The following CCSER1 variants were observed in gnomAD, a reference collection of about 807,000 sequenced individuals.
CCSER1 encodes the protein serine-rich coiled-coil domain-containing protein 1.
CCSER1 carries 41 observed loss-of-function variants against 82.0 expected under a neutral mutation model. The observed-to-expected ratio is 0.50, with a 90% confidence interval of 0.39 to 0.65. The LOEUF is 0.65. Among genes scored for constraint, CCSER1 ranks in the 30% least tolerant of loss-of-function variants. The probability of loss-of-function intolerance (pLI) is 0.00; values close to 1 mark genes in which losing one functional copy is unlikely to be tolerated. For missense variants in CCSER1, 1,119 were observed against 1,064.2 expected (o/e 1.05, Z -0.72); for synonymous variants, 414 against 383.9 (o/e 1.08, Z -0.92).
At chr4:90,669,742 A>T (rs903868360) in intron 6 of CCSER1, among the ~76,000 whole-genome samples, 1 of 152,090 alleles carries the variant, frequency 6.6e-6, no homozygotes, top group Admixed American at 6.6e-5. Flanking sequence ...GAAGAAAAAA[A>T]TGTGAAGGAG....
At chr4:90,621,866 C>G (rs1043758262) in intron 5 of CCSER1, among the ~76,000 whole-genome samples, 18 of 152,174 alleles carry the variant, frequency 1.2e-4, no homozygotes, top group African/African-American at 4.3e-4. Flanking sequence ...CAGATCTTCT[C>G]CTTTATCTGC....
chr4:90,737,509 T>C (rs138955100), intron 7 of CCSER1, among the ~76,000 whole-genome samples: 1 of 152,304 alleles, frequency 6.6e-6, no homozygotes, highest in African/African-American at 2.4e-5. Flanking sequence ...CATTGTATGT[T>C]GTTCCTTTCT....
chr4:90,395,215 C>T (rs979518503), intron 3 of CCSER1, among the ~76,000 whole-genome samples: 1 of 152,134 alleles, frequency 6.6e-6, no homozygotes, highest in Non-Finnish European at 1.5e-5. Context: ...AGTGTAATGT[C>T]CTCCATGTTC....
At chr4:90,409,338 C>T (rs373500691) in intron 4 of CCSER1, among the ~76,000 whole-genome samples, 35 of 152,180 alleles carry the variant, frequency 2.3e-4, no homozygotes, top group East Asian at 1.6e-3. Context: ...TCAGATTCAC[C>T]AAAGTGGAAA....
At chr4:90,198,490 A>AT (rs1208440174) in intron 1 of CCSER1, among the ~76,000 whole-genome samples, 6 of 152,162 alleles carry the variant, frequency 3.9e-5, no homozygotes, top group Non-Finnish European at 7.4e-5. Flanking sequence ...ATAGAAACAG[A>AT]TTTTTTTTAA....
intron 7 of CCSER1, among the ~76,000 whole-genome samples, chr4:90,785,928 C>T (rs1413338615): frequency 6.6e-6 from 1 of 152,126 alleles, no homozygotes; most frequent in Non-Finnish European, 1.5e-5. Flanking sequence ...TGTTATGTAG[C>T]AAATACTCAT....
intron 10 of CCSER1, among the ~76,000 whole-genome samples, chr4:91,385,895 G>A (rs1190503743): frequency 6.6e-6 from 1 of 151,812 alleles, no homozygotes; most frequent in Non-Finnish European, 1.5e-5. Flanking sequence ...CATGATTTCG[G>A]ATACATATGT....
At chr4:91,172,381 G>T (rs1489710170) in intron 10 of CCSER1, among the ~76,000 whole-genome samples, 1 of 152,148 alleles carries the variant, frequency 6.6e-6, no homozygotes. Context: ...TGATGGAAAG[G>T]CATTCTAGGA....
chr4:90,675,329 T>C (rs915035125), intron 6 of CCSER1, among the ~76,000 whole-genome samples: 2 of 151,990 alleles, frequency 1.3e-5, no homozygotes, highest in South Asian at 2.1e-4. Flanking sequence ...GTTTTTTTAA[T>C]CACATGTAGA....
intron 10 of CCSER1, among the ~76,000 whole-genome samples, chr4:91,355,815 T>C (rs1436840246): frequency 6.6e-6 from 1 of 152,044 alleles, no homozygotes; most frequent in Non-Finnish European, 1.5e-5. Flanking sequence ...TGTGTAAGGG[T>C]GGTCTCAGAG....
intron 10 of CCSER1, among the ~76,000 whole-genome samples, chr4:91,210,958 T>C (rs1468829340): frequency 6.6e-6 from 1 of 152,024 alleles, no homozygotes; most frequent in Non-Finnish European, 1.5e-5. Flanking sequence ...GACAACTTAT[T>C]CTAAAATGGT....
chr4:90,309,387 C>A lies in CCSER1; in HGVS notation c.1103C>A (p.Pro368Gln). 6.2e-7 allele frequency: 1 copy of A among 1,613,736 alleles called. No homozygotes were observed. Among genetic ancestry groups the A allele is most frequent in the African/African-American group, 1.3e-5 (1 of 75,004 alleles). ...GTGAGCCACTCAGAGAGTAACCTAC[C>A]AGCAGATAGTGAAAGAGAAGAAAAT... The part of the protein sequence containing the change: ...TSVSHSESNL[P>Q]ADSEREENIG... Residue 368 changes from proline to glutamine, a missense_variant, in exon 2 of 11, where the codon CCA becomes CAA. Physicochemically the swap from Pro to Gln is moderately conservative, Grantham distance 76 (BLOSUM62 -1). Coordinates refer to ENST00000509176, the MANE Select transcript of CCSER1 (RefSeq NM_001145065.2).
chr4:91,091,342 C>T (rs1298166665), intron 10 of CCSER1, among the ~76,000 whole-genome samples: 3 of 152,086 alleles, frequency 2.0e-5, no homozygotes, highest in Non-Finnish European at 4.4e-5. Flanking sequence ...CTGGTCACTT[C>T]CTGGATTACA....
chr4:90,340,925 A>G (rs1741264038), intron 3 of CCSER1, among the ~76,000 whole-genome samples: 1 of 152,146 alleles, frequency 6.6e-6, no homozygotes, highest in South Asian at 2.1e-4. Flanking sequence ...ACCTAATGAT[A>G]TGTTTAGTAA....
In CCSER1 at chr4:90,308,309, T is replaced by A; in HGVS notation, c.25T>A (p.Ser9Thr). The A allele has an allele frequency of 6.3e-7, 1 of 1,593,292 alleles. No individual in the cohort carries two copies. The highest frequency in any genetic ancestry group is 8.6e-7 in the Non-Finnish European group (1 of 1,169,342). MGDSGSRR[S>T]TLVSRLPIFR... is the part of the protein sequence containing the mutation. ...AATGGGGGACTCAGGATCAAGACGA[T>A]CTACCCTGGTCTCCCGGTTGCCAAT... The change falls in exon 2 of 11, where the codon TCT becomes ACT. Residue 9 changes from serine (S) to threonine (T), a missense_variant. Coordinates refer to ENST00000509176, the MANE Select transcript of CCSER1 (RefSeq NM_001145065.2).
chr4:91,578,959 A>C (rs1418406573), intron 10 of CCSER1, among the ~76,000 whole-genome samples: 1 of 151,854 alleles, frequency 6.6e-6, no homozygotes, highest in East Asian at 1.9e-4. Context: ...AATACACATC[A>C]GAGAAATCAC....
At chr4:91,442,313 T>C (rs1687565478) in intron 10 of CCSER1, among the ~76,000 whole-genome samples, 1 of 152,030 alleles carries the variant, frequency 6.6e-6, no homozygotes, top group African/African-American at 2.4e-5. Context: ...TCAGAAATAA[T>C]GCCGCATATC....
chr4:90,287,010 A>C (rs994480799), intron 1 of CCSER1, among the ~76,000 whole-genome samples: 4 of 151,952 alleles, frequency 2.6e-5, no homozygotes, highest in Non-Finnish European at 5.9e-5. Context: ...TGCTGCAGCC[A>C]GAGTGTGTTG....
chr4:90,786,577 C>A (rs72663613), intron 7 of CCSER1, among the ~76,000 whole-genome samples: 9,022 of 152,154 alleles, frequency 0.059, 369 homozygotes, highest in Admixed American at 0.11. Flanking sequence ...TGCATATTTT[C>A]AGGTTTTTCA....
Sources: allele counts gnomAD v4.1 joint callset (sites outside exome capture counted in the v4.1 genomes callset), GRCh38; gene constraint gnomAD v4.1.1; transcripts MANE v1.5; gene names NCBI Gene and HGNC (gene_info 2026-07-23, HGNC 2026-07-21).